Variants in MAP4K4 observed in about 807,000 individuals in gnomAD.
MAP4K4 encodes mitogen-activated protein kinase kinase kinase kinase 4.
In MAP4K4, 38 loss-of-function variants were observed where a neutral mutation model predicts 189.6. That is an observed-to-expected ratio of 0.20 (90% CI 0.15 to 0.26). The LOEUF (loss-of-function observed/expected upper bound fraction) is 0.26. MAP4K4 is among the 10% of genes least tolerant of loss of function. The pLI is 1.00. For missense variants in MAP4K4, 1,054 were observed against 1,726.9 expected, an observed-to-expected ratio of 0.61 and a Z score of 6.91; for synonymous variants, 610 against 624.3, an observed-to-expected ratio of 0.98 and a Z score of 0.34.
chr2:101,755,937 T>TC (rs1426086581), intron 2 of MAP4K4, among the ~76,000 whole-genome samples: 2 of 124,810 alleles, frequency 1.6e-5, no homozygotes, highest in African/African-American at 3.2e-5. Context: ...TTCTTTTTTT[T>TC]TTTTTTTTTT....
chr2:101,779,540 T>C (rs1197271756), intron 2 of MAP4K4, among the ~76,000 whole-genome samples: 4 of 152,238 alleles, frequency 2.6e-5, no homozygotes, highest in Non-Finnish European at 4.4e-5. Flanking sequence ...ATATGGTTAC[T>C]TGTAACTGAT....
intron 2 of MAP4K4, among the ~76,000 whole-genome samples, chr2:101,785,759 T>C (rs1055200998): frequency 8.2e-3 from 109 of 13,234 alleles, no homozygotes; most frequent in Middle Eastern, 0.038. Context: ...TCTCTCTCTC[T>C]CTCTCTCTCT....
exon 33 of MAP4K4, chr2:101,894,101 A>G (rs2098599704): frequency 6.6e-6 from 1 of 152,564 alleles, no homozygotes; most frequent in East Asian, 1.9e-4. Context: ...CTTTTAGGAA[A>G]GGAATTATTT....
intron 5 of MAP4K4, among the ~76,000 whole-genome samples, chr2:101,829,150 C>T (rs936638018): frequency 2.0e-5 from 3 of 152,170 alleles, no homozygotes; most frequent in African/African-American, 7.2e-5. Flanking sequence ...CACGGGGTCA[C>T]CCTCTAGACA....
Position 101,711,542 on chromosome 2 carries a change from A to G in MAP4K4, c.123+13004A>G, listed in dbSNP as rs1053011545. Among the ~76,000 whole-genome samples, 13 of 152,218 alleles carry G rather than the reference A, an allele frequency of 8.5e-5. No homozygotes were observed. In the South Asian group the frequency reaches 2.5e-3, roughly 29 times the overall value. ...AGTGCTGGGATTACAGGCGTGAGCC[A>G]TTGGGCCTGGCCTTGCTCTTTGATA... On this transcript the variant is annotated intron_variant, in intron 2 of 32. Transcript: ENST00000324219.
At chr2:101,739,314 A>C (rs1401364182) in intron 2 of MAP4K4, among the ~76,000 whole-genome samples, 1 of 152,228 alleles carries the variant, frequency 6.6e-6, no homozygotes, top group Non-Finnish European at 1.5e-5. Flanking sequence ...CCAAAAGTAA[A>C]AACATTTATG....
chr2:101,802,459 C>T (rs975865974), intron 3 of MAP4K4, among the ~76,000 whole-genome samples: 1 of 152,174 alleles, frequency 6.6e-6, no homozygotes, highest in African/African-American at 2.4e-5. Flanking sequence ...CCCTCCTCTC[C>T]TCCTTCTACA....
chr2:101,790,662 CTAA>C, intron 2 of MAP4K4, 55 bp from the exon 3 acceptor site: 1 of 1,248,592 alleles, frequency 8.0e-7, no homozygotes, highest in Non-Finnish European at 1.2e-6. Context: ...CCATTTTGTT[CTAA>C]TGATTGTGCA....
rs143171836 is a variant in MAP4K4 at position 101,854,159 on chromosome 2, G to T, written c.1234-1818G>T. Among the ~76,000 whole-genome samples the T allele has an allele frequency of 4.5e-3, 679 of 152,168 alleles. 5 individuals carry two copies. Among genetic ancestry groups the T allele is most frequent in the African/African-American group, 0.015 (618 of 41,534 alleles). ...AAAACAGTCAGTCTCCAAAAATAAAGAAAGAATACCTGATTTCTTCAACTG... is the reference window on the plus strand; with the variant it reads ...AAAACAGTCAGTCTCCAAAAATAAATAAAGAATACCTGATTTCTTCAACTG... On this transcript the variant is annotated intron_variant, in intron 12 of 32. Transcript: ENST00000324219.
chr2:101,829,078 G>A (rs2096495002), intron 5 of MAP4K4, among the ~76,000 whole-genome samples: 1 of 152,222 alleles, frequency 6.6e-6, no homozygotes, highest in African/African-American at 2.4e-5. Flanking sequence ...TAAAGAGCCA[G>A]ATTTCAAAGC....
intron 12 of MAP4K4, among the ~76,000 whole-genome samples, chr2:101,847,152 A>G (rs2097135235): frequency 1.3e-5 from 2 of 152,208 alleles, no homozygotes; most frequent in African/African-American, 2.4e-5. Context: ...TGTAACGTGT[A>G]ATGGGTTGTA....
chr2:101,857,382 T>TGCGTTGTGTAGA (rs2097506506), intron 13 of MAP4K4, among the ~76,000 whole-genome samples: 1 of 151,282 alleles, frequency 6.6e-6, no homozygotes, highest in African/African-American at 2.4e-5. Flanking sequence ...GTGTTGTGTA[T>TGCGTTGTGTAGA]TGTTTGTTCA....
intron 2 of MAP4K4, among the ~76,000 whole-genome samples, chr2:101,785,135 A>G (rs1383620897): frequency 6.6e-6 from 1 of 152,184 alleles, no homozygotes; most frequent in East Asian, 1.9e-4. Context: ...GGACGAAGGC[A>G]TTTGTTATTC....
intron 2 of MAP4K4, among the ~76,000 whole-genome samples, chr2:101,717,954 TA>T (rs545554743): frequency 1.3e-3 from 185 of 143,852 alleles, no homozygotes; most frequent in Middle Eastern, 3.6e-3. Context: ...TGTGTGTTAT[TA>T]AAAAAAAAAA....
At chr2:101,885,049 T>C (rs1406714442) in intron 28 of MAP4K4, 138 bp from the exon 29 acceptor site, 14 of 475,880 alleles carry the variant, frequency 2.9e-5, no homozygotes, top group Non-Finnish European at 1.5e-5. Context: ...TCTCTCTCTC[T>C]GAATTTTTCC....
chr2:101,753,506 G>A (rs1469279092), intron 2 of MAP4K4, among the ~76,000 whole-genome samples: 9 of 152,036 alleles, frequency 5.9e-5, no homozygotes, highest in African/African-American at 2.2e-4. Context: ...TTTTTTTGTT[G>A]AGGTTCTGGA....
chr2:101,862,614 T>G (rs575961686), intron 16 of MAP4K4, among the ~76,000 whole-genome samples: 252 of 152,348 alleles, frequency 1.7e-3, no homozygotes, highest in Non-Finnish European at 2.8e-3. Context: ...GCATTTGTTA[T>G]GAATTTGTGT....
At chr2:101,782,121 C>T (rs2087918976) in intron 2 of MAP4K4, among the ~76,000 whole-genome samples, 1 of 152,322 alleles carries the variant, frequency 6.6e-6, no homozygotes, top group Non-Finnish European at 1.5e-5. Context: ...CTCAAGAATT[C>T]AGGGTTTAGA....
At chr2:101,825,276 C>A in intron 4 of MAP4K4, 43 bp from the exon 5 acceptor site, 2 of 1,311,086 alleles carry the variant, frequency 1.5e-6, no homozygotes, top group Non-Finnish European at 2.2e-6. Context: ...TTCCCAATTT[C>A]TCCAAGATAT....
Sources: allele counts gnomAD v4.1 joint callset (sites outside exome capture counted in the v4.1 genomes callset), GRCh38; gene constraint gnomAD v4.1.1; transcripts MANE v1.5; gene names NCBI Gene and HGNC (gene_info 2026-07-23, HGNC 2026-07-21).